TLR6: variants seen among roughly 807,000 people sequenced by gnomAD.
The protein encoded by TLR6 is toll-like receptor 6.
Under a neutral mutation model 16.1 loss-of-function variants are expected in TLR6, and 9 were observed. The observed-to-expected ratio is 0.56, with a 90% CI of 0.34 to 0.98. The LOEUF is 0.98. Ranked by LOEUF, TLR6 falls within the 50% of genes least tolerant of loss-of-function variation. The pLI is 0.02. For missense variants in TLR6, 786 were observed against 921.0 expected, an observed-to-expected ratio of 0.85 and a Z score of 1.90; for synonymous variants, 340 against 338.6, an observed-to-expected ratio of 1.00 and a Z score of -0.04.
At chr4:38,828,032 G>A in exon 2 of TLR6, 1 of 1,614,168 alleles carries the variant, frequency 6.2e-7, no homozygotes, top group Non-Finnish European at 8.5e-7. Context: ...AGAATTGAAA[G>A]CAACATTGAG....
chr4:38,836,056 T>C (rs1167331450), intron 1 of TLR6, among the ~76,000 whole-genome samples: 2 of 151,416 alleles, frequency 1.3e-5, no homozygotes, highest in African/African-American at 2.4e-5. Flanking sequence ...ACAACGAACC[T>C]CAAGGAAGCA....
the TLR6 span, among the ~76,000 whole-genome samples, chr4:38,864,066 T>C: frequency 6.6e-6 from 1 of 152,212 alleles, no homozygotes; most frequent in Non-Finnish European, 1.5e-5. Context: ...TCTACAGATA[T>C]GGCCACTGTT....
upstream of TLR6, among the ~76,000 whole-genome samples, chr4:38,858,881 A>AAGAG (rs1560274734): frequency 2.2e-5 from 2 of 90,532 alleles, no homozygotes; most frequent in South Asian, 7.0e-4. Flanking sequence ...GAAAGAAAGA[A>AAGAG]AGAAAGAGAG....
At chr4:38,839,429 AAAG>A (rs993058724) in intron 1 of TLR6, among the ~76,000 whole-genome samples, 1 of 152,214 alleles carries the variant, frequency 6.6e-6, no homozygotes, top group African/African-American at 2.4e-5. Flanking sequence ...ATTCTCTTTT[AAAG>A]AAGAAGTTCT....
At chr4:38,827,189 T>C (rs1727583415) in exon 2 of TLR6, 1 of 1,614,248 alleles carries the variant, frequency 6.2e-7, no homozygotes, top group Non-Finnish European at 8.5e-7. Context: ...CTTGGGCCAC[T>C]GCAAATAAGT....
intron 1 of TLR6, among the ~76,000 whole-genome samples, chr4:38,835,331 G>A (rs897035509): frequency 6.6e-6 from 1 of 151,918 alleles, no homozygotes; most frequent in African/African-American, 2.4e-5. Context: ...ATACTTATCA[G>A]ATAAAACAGA....
chr4:38,849,348 T>G (rs1220444233), intron 1 of TLR6, among the ~76,000 whole-genome samples: 2 of 152,198 alleles, frequency 1.3e-5, no homozygotes, highest in African/African-American at 4.8e-5. Flanking sequence ...AGACCATTGA[T>G]GCTAGGAAGA....
At chr4:38,841,081 T>G (rs147588372) in intron 1 of TLR6, among the ~76,000 whole-genome samples, 241 of 152,326 alleles carry the variant, frequency 1.6e-3, no homozygotes, top group Non-Finnish European at 2.2e-3. Context: ...TTTTTGCTTT[T>G]CTTTTCCTTT....
intron 1 of TLR6, among the ~76,000 whole-genome samples, chr4:38,850,092 A>T (rs1328952107): frequency 1.3e-5 from 2 of 152,210 alleles, no homozygotes; most frequent in Non-Finnish European, 2.9e-5. Context: ...AAACCACTCA[A>T]CTACATGGAA....
At chr4:38,844,232 T>C (rs1463213696) in intron 1 of TLR6, among the ~76,000 whole-genome samples, 1 of 152,212 alleles carries the variant, frequency 6.6e-6, no homozygotes, top group African/African-American at 2.4e-5. Context: ...ACTGGAATAC[T>C]GGTAGCGGTG....
chr4:38,862,930 TAAAAAAAAAAAAAA>T, the TLR6 span, among the ~76,000 whole-genome samples: 1 of 83,112 alleles, frequency 1.2e-5, no homozygotes, highest in Non-Finnish European at 2.2e-5. Flanking sequence ...TTCTCCCATC[TAAAAAAAAAAAAAA>T]AAAAAAAAAA....
At chr4:38,846,776 G>A (rs1045800243) in intron 1 of TLR6, among the ~76,000 whole-genome samples, 12 of 152,118 alleles carry the variant, frequency 7.9e-5, no homozygotes. Context: ...GGGGTAGGGA[G>A]GGAGAGAGTG....
At chr4:38,864,211 TAGA>T in the TLR6 span, among the ~76,000 whole-genome samples, 22 of 152,238 alleles carry the variant, frequency 1.4e-4, no homozygotes, top group Admixed American at 5.2e-4. Context: ...CCACCTCATA[TAGA>T]CCCTCTAGTT....
intron 1 of TLR6, among the ~76,000 whole-genome samples, chr4:38,831,709 C>T (rs912768117): frequency 6.6e-6 from 1 of 152,154 alleles, no homozygotes; most frequent in African/African-American, 2.4e-5. Context: ...AAAATCTAAA[C>T]AGACACCTCA....
chr4:38,838,044 A>G (rs536839915), intron 1 of TLR6, among the ~76,000 whole-genome samples: 2 of 152,258 alleles, frequency 1.3e-5, no homozygotes, highest in East Asian at 1.9e-4. Flanking sequence ...CCACAACGAG[A>G]TATCATCTCA....
intron 1 of TLR6, among the ~76,000 whole-genome samples, chr4:38,853,779 C>G (rs996415501): frequency 6.6e-6 from 1 of 152,128 alleles, no homozygotes; most frequent in Non-Finnish European, 1.5e-5. Context: ...AAAATAAATT[C>G]TATTTTGAAA....
At chr4:38,828,739 G>A (rs1234403117) in exon 2 of TLR6, 4 of 1,613,892 alleles carry the variant, frequency 2.5e-6, no homozygotes, top group Non-Finnish European at 3.4e-6. Flanking sequence ...AACCTCTGGT[G>A]AGTTCTGATA....
At chr4:38,829,427 C>A (rs144060818) in exon 2 of TLR6, 27 of 1,613,642 alleles carry the variant, frequency 1.7e-5, no homozygotes, top group Non-Finnish European at 2.2e-5. Flanking sequence ...GATCATAAGG[C>A]AAACAAAATG....
exon 2 of TLR6, chr4:38,829,427 C>G: frequency 6.2e-7 from 1 of 1,613,760 alleles, no homozygotes. Context: ...GATCATAAGG[C>G]AAACAAAATG....
Sources: gnomAD v4.1 joint callset for allele counts (sites outside exome capture counted in the v4.1 genomes callset) on GRCh38, gnomAD v4.1.1 for gene constraint, MANE v1.5 for transcripts, NCBI Gene and HGNC (gene_info 2026-07-23, HGNC 2026-07-21) for gene names.